Variants in PDHX observed in about 807,000 individuals in gnomAD.
PDHX encodes pyruvate dehydrogenase protein X component, mitochondrial.
PDHX carries 33 observed loss-of-function variants against 55.3 expected under a neutral mutation model. The observed-to-expected ratio is 0.60, with a 90% CI of 0.45 to 0.80. PDHX has a LOEUF of 0.80. Ranked by LOEUF, PDHX falls within the 30% of genes least tolerant of loss-of-function variation. The pLI is 0.00. For missense variants in PDHX, 622 were observed against 619.9 expected (o/e 1.00, Z -0.04); for synonymous variants, 226 against 219.4 (o/e 1.03, Z -0.27).
At chr11:34,959,148 T>G (rs188964562) in intron 4 of PDHX, among the ~76,000 whole-genome samples, 2 of 152,022 alleles carry the variant, frequency 1.3e-5, no homozygotes, top group Admixed American at 1.3e-4. Context: ...ACAAGAGATA[T>G]ACCATTAGTC....
At chr11:34,965,535 A>AT (rs1378099249) in intron 5 of PDHX, among the ~76,000 whole-genome samples, 2 of 152,160 alleles carry the variant, frequency 1.3e-5, no homozygotes, top group African/African-American at 2.4e-5. Flanking sequence ...TATCTATAAA[A>AT]TGCCACCAAT....
At chr11:34,964,807 CTAAT>C (rs1415413361) in intron 5 of PDHX, among the ~76,000 whole-genome samples, 1 of 149,114 alleles carries the variant, frequency 6.7e-6, no homozygotes, top group Non-Finnish European at 1.5e-5. Context: ...ATTAGCATAA[CTAAT>C]ATTAGCTATT....
chr11:34,948,998 G>A (rs1854689365), intron 3 of PDHX, among the ~76,000 whole-genome samples: 1 of 152,142 alleles, frequency 6.6e-6, no homozygotes, highest in African/African-American at 2.4e-5. Context: ...ATGTCAGTGG[G>A]TCAGCAGTGC....
chr11:34,973,381 C>G (rs1417224420), intron 7 of PDHX, among the ~76,000 whole-genome samples: 1 of 152,112 alleles, frequency 6.6e-6, no homozygotes, highest in Non-Finnish European at 1.5e-5. Flanking sequence ...ATTCTTTAGT[C>G]TCTTAAGATG....
intron 2 of PDHX, among the ~76,000 whole-genome samples, chr11:34,935,934 T>G (rs1250242527): frequency 6.6e-6 from 1 of 152,126 alleles, no homozygotes; most frequent in African/African-American, 2.4e-5. Flanking sequence ...AGTGGTCCAG[T>G]CTAGTGCTTG....
chr11:34,966,798 G>T lies in PDHX; in HGVS notation c.800G>T (p.Gly267Val), dbSNP rs767272326. Residue 267 changes from glycine to valine, a missense_variant, in exon 6 of 11, where the codon GGA becomes GTA. Transcript: ENST00000227868. ...GTGATCCCACCAGTATCAACTCCTG[G>T]ACAACCCAATGCAGTGGTAGTGTTC... ...RPVIPPVSTP[G>V]QPNAVGTFTE... is the part of the protein sequence containing the mutation. The T allele has an allele frequency of 6.2e-7, 1 of 1,613,642 alleles. No individual in the cohort carries two copies. Among genetic ancestry groups the T allele is most frequent in the South Asian group, 1.1e-5 (1 of 91,064 alleles).
chr11:34,932,496 A>G (rs1854203032), intron 2 of PDHX, among the ~76,000 whole-genome samples: 3 of 152,238 alleles, frequency 2.0e-5, no homozygotes, highest in African/African-American at 7.2e-5. Flanking sequence ...TAACCTTTCA[A>G]CTGGTAAGAA....
At chr11:34,957,137 C>G (rs1017843466) in intron 3 of PDHX, among the ~76,000 whole-genome samples, 7 of 152,096 alleles carry the variant, frequency 4.6e-5, no homozygotes, top group Admixed American at 6.5e-5. Context: ...AAAGAGGATA[C>G]ATTCTAGATT....
Position 34,947,577 on chromosome 11 carries a change from A to C in PDHX, c.313A>C (p.Ser105Arg), listed in dbSNP as rs1390425266. The C allele has an allele frequency of 6.2e-7, 1 of 1,612,370 alleles. No homozygotes were observed. Among genetic ancestry groups the C allele is most frequent in the Non-Finnish European group, 8.5e-7 (1 of 1,178,568 alleles). ...CAAAGCTGTGGTTACCTTAGATGCA[A>C]GTGATGATGGAATCTTGGCCAAAAT... ...TDKAVVTLDASDDGILAKIVV... is the reference protein window; with the variant it reads ...TDKAVVTLDARDDGILAKIVV... The change falls in exon 3 of 11, where the codon AGT becomes CGT. Residue 105 changes from serine (S) to arginine (R), a missense_variant. Transcript: ENST00000227868.
At chr11:34,964,688 AC>A (rs774069305) in intron 5 of PDHX, among the ~76,000 whole-genome samples, 3 of 151,354 alleles carry the variant, frequency 2.0e-5, no homozygotes, top group Non-Finnish European at 4.4e-5. Flanking sequence ...TGATTAACCT[AC>A]CCAAGAACCT....
At chr11:34,945,426 G>A (rs1277795534) in intron 2 of PDHX, among the ~76,000 whole-genome samples, 1 of 152,062 alleles carries the variant, frequency 6.6e-6, no homozygotes, top group African/African-American at 2.4e-5. Context: ...TCTTTAATAG[G>A]TGGTAAAATT....
chr11:34,985,458 A>G (rs747240876), intron 9 of PDHX, among the ~76,000 whole-genome samples: 1 of 152,206 alleles, frequency 6.6e-6, no homozygotes, highest in Non-Finnish European at 1.5e-5. Flanking sequence ...AATGGACGTA[A>G]TGTTCCAGAG....
At chr11:34,973,910 T>G (rs895724222) in intron 7 of PDHX, among the ~76,000 whole-genome samples, 2 of 152,238 alleles carry the variant, frequency 1.3e-5, no homozygotes, top group African/African-American at 2.4e-5. Context: ...AAGAACTTCC[T>G]TTAATGCTTC....
intron 3 of PDHX, among the ~76,000 whole-genome samples, chr11:34,950,250 G>A (rs1461190463): frequency 1.3e-5 from 2 of 151,892 alleles, no homozygotes; most frequent in Non-Finnish European, 2.9e-5. Context: ...CTTCTGTCTA[G>A]ACCGTGATAT....
chr11:34,967,308 T>A (rs1855158939), intron 6 of PDHX, among the ~76,000 whole-genome samples: 2 of 152,216 alleles, frequency 1.3e-5, no homozygotes, highest in Non-Finnish European at 2.9e-5. Context: ...TTTTACAGAT[T>A]TCCTATCAGA....
intron 4 of PDHX, among the ~76,000 whole-genome samples, chr11:34,958,376 C>G (rs1854950570): frequency 6.6e-6 from 1 of 152,054 alleles, no homozygotes; most frequent in Non-Finnish European, 1.5e-5. Context: ...TCTCAGCTTA[C>G]CGCAACCTCG....
chr11:34,975,379 A>G (rs1278654320), intron 7 of PDHX, among the ~76,000 whole-genome samples: 2 of 151,546 alleles, frequency 1.3e-5, no homozygotes, highest in Non-Finnish European at 2.9e-5. Context: ...TAAATGTTAG[A>G]CTTTTTGAAT....
intron 3 of PDHX, among the ~76,000 whole-genome samples, chr11:34,956,040 CTT>C (rs1854900149): frequency 1.3e-5 from 2 of 152,164 alleles, no homozygotes; most frequent in South Asian, 4.2e-4. Flanking sequence ...TAATAATAAT[CTT>C]AACTCATCTT....
upstream of PDHX, chr11:34,916,048 C>A (rs1853674472): frequency 5.3e-6 from 4 of 760,024 alleles, no homozygotes; most frequent in East Asian, 2.8e-5. Context: ...TCTCCTGGGG[C>A]CTCGCAGCCT....
Sources: allele counts gnomAD v4.1 joint callset (sites outside exome capture counted in the v4.1 genomes callset), GRCh38; gene constraint gnomAD v4.1.1; transcripts MANE v1.5; gene names NCBI Gene and HGNC (gene_info 2026-07-23, HGNC 2026-07-21).